Variants in KYAT1 observed in about 807,000 individuals in gnomAD.
KYAT1 encodes the protein kynurenine--oxoglutarate transaminase 1.
A neutral mutation model predicts 52.4 loss-of-function variants in KYAT1; 47 were observed. That is an observed-to-expected ratio of 0.90 (90% CI 0.71 to 1.14). The LOEUF (loss-of-function observed/expected upper bound fraction) is 1.14, where lower values mean the gene tolerates loss of function less well. Ranked by LOEUF, KYAT1 falls within the 50% of genes most tolerant of loss-of-function variation. The pLI, the probability that KYAT1 is intolerant of heterozygous loss-of-function variation, is 0.00. For synonymous variants in KYAT1, 212 were observed against 209.6 expected, an observed-to-expected ratio of 1.01 and a Z score of -0.10; for missense variants, 480 against 557.9, an observed-to-expected ratio of 0.86 and a Z score of 1.41.
At chr9:128,848,297 G>A (rs1470142471) in intron 1 of KYAT1, among the ~76,000 whole-genome samples, 1 of 146,756 alleles carries the variant, frequency 6.8e-6, no homozygotes, top group Non-Finnish European at 1.5e-5. Flanking sequence ...TCCAGCCTGG[G>A]CGACAGAGGG....
intron 1 of KYAT1, among the ~76,000 whole-genome samples, chr9:128,872,543 G>A (rs7034990): frequency 0.056 from 8,390 of 150,334 alleles, 274 homozygotes; most frequent in African/African-American, 0.096. Context: ...CGAGGTGGGC[G>A]GATCACCTGA....
chr9:128,833,539 T>A lies in KYAT1; in HGVS notation c.*45A>T, dbSNP rs1236452649. On this transcript the variant is annotated 3_prime_UTR_variant, in exon 13 of 13. Coordinates refer to ENST00000302586, the MANE Select transcript of KYAT1 (RefSeq NM_004059.5). ...CAAAGACAGACACTCAAAGAGGATC[T>A]CTGCGGGCATGTGGGGATGTCAGGG... The A allele has an allele frequency of 3.8e-6, 6 of 1,575,808 alleles. No individual in the cohort carries two copies. Among genetic ancestry groups the A allele is most frequent in the Non-Finnish European group, 5.2e-6 (6 of 1,145,176 alleles).
chr9:128,841,284 C>G (rs780685752), intron 3 of KYAT1, among the ~76,000 whole-genome samples: 17 of 152,158 alleles, frequency 1.1e-4, no homozygotes, highest in Non-Finnish European at 2.4e-4. Flanking sequence ...GCAGGCGAAT[C>G]ACGAGGTCGG....
chr9:128,865,332 TATATATATATATATATATA>T (rs1836124003), intron 1 of KYAT1, among the ~76,000 whole-genome samples: 16 of 2,360 alleles, frequency 6.8e-3, no homozygotes, highest in East Asian at 0.025. Context: ...TATATATATA[TATATATATATATATATATA>T]TATATATATT....
intron 1 of KYAT1, among the ~76,000 whole-genome samples, chr9:128,867,354 T>G (rs1362225583): frequency 6.6e-6 from 1 of 152,122 alleles, no homozygotes; most frequent in African/African-American, 2.4e-5. Context: ...TAACTTTTTA[T>G]TTTTAGTAGA....
chr9:128,841,556 C>T (rs530841228), intron 3 of KYAT1, among the ~76,000 whole-genome samples: 4 of 151,354 alleles, frequency 2.6e-5, no homozygotes, highest in Admixed American at 6.6e-5. Context: ...ATTAGCTGGG[C>T]GTGGGGGCGC....
intron 2 of KYAT1, among the ~76,000 whole-genome samples, 191 bp downstream of exon 2, chr9:128,845,162 G>A (rs997288983): frequency 1.3e-5 from 2 of 152,134 alleles, no homozygotes; most frequent in African/African-American, 4.8e-5. Flanking sequence ...TAGTGGCACA[G>A]TCATGCAGAA....
chr9:128,837,337 G>C (rs1176731970), intron 6 of KYAT1, among the ~76,000 whole-genome samples: 1 of 152,242 alleles, frequency 6.6e-6, no homozygotes, highest in Non-Finnish European at 1.5e-5. Flanking sequence ...CCAGTGCTAA[G>C]GGCTGTTCTG....
In KYAT1 at chr9:128,874,404, C is replaced by T. The variant is rs182994210; in HGVS notation, c.-7+7493G>A. On this transcript the variant is annotated intron_variant, in intron 1 of 12. Coordinates refer to ENST00000302586, the MANE Select transcript of KYAT1 (RefSeq NM_004059.5). Reference sequence around the variant, plus strand: ...TCGGCTCACTGCAGCCTCAACCTACCGGGCTCAGGAAATCCTCCCACCTCA... The same window carrying T: ...TCGGCTCACTGCAGCCTCAACCTACTGGGCTCAGGAAATCCTCCCACCTCA... Among the ~76,000 whole-genome samples, 594 of 150,340 alleles carry T rather than the reference C, an allele frequency of 4.0e-3. 2 individuals carry two copies. The highest frequency in any genetic ancestry group is 6.4e-3 in the Non-Finnish European group (429 of 67,464).
chr9:128,873,500 T>C (rs1182781850), intron 1 of KYAT1, among the ~76,000 whole-genome samples: 1 of 152,152 alleles, frequency 6.6e-6, no homozygotes, highest in African/African-American at 2.4e-5. Flanking sequence ...CCAGGCGCGA[T>C]GGCTCACTCC....
chr9:128,852,907 G>A (rs76414328), intron 1 of KYAT1, among the ~76,000 whole-genome samples: 14 of 152,158 alleles, frequency 9.2e-5, no homozygotes, highest in Middle Eastern at 3.4e-3. Context: ...GAAAAAATTC[G>A]GTCAGCACAA....
At chr9:128,837,556 C>T in intron 6 of KYAT1, 129 bp downstream of exon 6, 1 of 1,085,574 alleles carries the variant, frequency 9.2e-7, no homozygotes, top group East Asian at 2.4e-5. Context: ...TCTTGGTCCT[C>T]AGTGCTCATT....
chr9:128,874,021 C>T (rs1346055226), intron 1 of KYAT1, among the ~76,000 whole-genome samples: 2 of 151,170 alleles, frequency 1.3e-5, no homozygotes, highest in African/African-American at 2.4e-5. Context: ...TTTGGGAAGC[C>T]GAGGCGGGTG....
Position 128,845,282 on chromosome 9 carries a change from C to A in KYAT1, c.53+71G>T, listed in dbSNP as rs1589665839. 3.9e-6 allele frequency: 5 copies of A among 1,279,430 alleles called. No individual in the cohort carries two copies. The East Asian group carries it at 1.2e-4, about 30-fold the overall frequency. The allele number at this position is 1,279,430 out of a possible 1,614,324, so 79.3% of individuals were successfully genotyped here. ...CACCATCTGGAGTACTACTGAGTTG[C>A]TGTAAACCCAGGGATGGCCAACCCA... On this transcript the variant is annotated intron_variant, in intron 2 of 12. Transcript: ENST00000302586.
chr9:128,860,434 G>C (rs1404106991), intron 1 of KYAT1: 1 of 152,220 alleles, frequency 6.6e-6, no homozygotes, highest in Non-Finnish European at 1.5e-5. Flanking sequence ...TTCCAGGGAA[G>C]GTTTCTGCTC....
At chr9:128,849,865 T>C (rs926856990) in intron 1 of KYAT1, among the ~76,000 whole-genome samples, 11 of 138,738 alleles carry the variant, frequency 7.9e-5, no homozygotes, top group Non-Finnish European at 1.5e-5. Context: ...TACACACATA[T>C]AAATTTTTTA....
intron 1 of KYAT1, among the ~76,000 whole-genome samples, chr9:128,871,456 A>G (rs2130794223): frequency 6.6e-6 from 1 of 152,234 alleles, no homozygotes; most frequent in Non-Finnish European, 1.5e-5. Context: ...TCACACCTGT[A>G]ATATCAGCAC....
In KYAT1 at chr9:128,836,934, C is replaced by T. The variant is rs1831232099; in HGVS notation, c.568-12G>A. On this transcript the variant is annotated splice_polypyrimidine_tract_variant and intron_variant, in intron 6 of 12. Coordinates refer to ENST00000302586, the MANE Select transcript of KYAT1 (RefSeq NM_004059.5). Reference sequence around the variant, plus strand: ...TCCCTGGAGAACACCTGCAGATGCCCAAGGAGAGCACAGACCTGCAGCTGG... The same window carrying T: ...TCCCTGGAGAACACCTGCAGATGCCTAAGGAGAGCACAGACCTGCAGCTGG... The T allele has an allele frequency of 3.1e-6, 5 of 1,609,020 alleles. No individual in the cohort carries two copies. The highest frequency in any genetic ancestry group is 4.2e-6 in the Non-Finnish European group (5 of 1,178,746).
chr9:128,881,396 T>C (rs1838873862), intron 1 of KYAT1, among the ~76,000 whole-genome samples: 1 of 152,208 alleles, frequency 6.6e-6, no homozygotes, highest in Admixed American at 6.5e-5. Flanking sequence ...CTGTTTTTAC[T>C]GTTGTTTCCT....
Sources: allele counts gnomAD v4.1 joint callset (sites outside exome capture counted in the v4.1 genomes callset), GRCh38; gene constraint gnomAD v4.1.1; transcripts MANE v1.5; gene names NCBI Gene and HGNC (gene_info 2026-07-23, HGNC 2026-07-21).